The following PAWR variants were observed in gnomAD, a reference collection of about 807,000 sequenced individuals.
The protein encoded by PAWR is PRKC apoptosis WT1 regulator protein.
A neutral mutation model predicts 32.0 loss-of-function variants in PAWR; 23 were observed. That is an observed-to-expected ratio of 0.72 (90% CI 0.52 to 1.02). PAWR has a LOEUF of 1.02. Among genes scored for constraint, PAWR ranks in the 50% least tolerant of loss-of-function variants. The probability of loss-of-function intolerance (pLI) is 0.00; values close to 1 mark genes in which losing one functional copy is unlikely to be tolerated. For missense variants in PAWR, 457 were observed against 437.7 expected (o/e 1.04, Z -0.39); for synonymous variants, 226 against 187.1 (o/e 1.21, Z -1.70).
At chr12:79,644,860 C>A (rs1192313262) in intron 2 of PAWR, among the ~76,000 whole-genome samples, 1 of 152,084 alleles carries the variant, frequency 6.6e-6, no homozygotes, top group East Asian at 1.9e-4. Context: ...CTCAGACAAA[C>A]TTTAAATTTC....
At chr12:79,622,953 T>C (rs1167482186) in intron 2 of PAWR, among the ~76,000 whole-genome samples, 3 of 152,080 alleles carry the variant, frequency 2.0e-5, no homozygotes, top group Non-Finnish European at 4.4e-5. Context: ...ACATAAATAA[T>C]AGATAACCCA....
At chr12:79,624,745 A>G (rs556052550) in intron 2 of PAWR, among the ~76,000 whole-genome samples, 1 of 152,332 alleles carries the variant, frequency 6.6e-6, no homozygotes, top group South Asian at 2.1e-4. Context: ...TGCCATACTT[A>G]AGAGAAGTGG....
chr12:79,632,666 C>G (rs994834146), intron 2 of PAWR, among the ~76,000 whole-genome samples: 3 of 151,638 alleles, frequency 2.0e-5, no homozygotes, highest in African/African-American at 7.3e-5. Context: ...ATACCATGTG[C>G]CCAGCCTGGC....
intron 2 of PAWR, among the ~76,000 whole-genome samples, chr12:79,672,366 C>G (rs568620127): frequency 3.3e-5 from 5 of 152,278 alleles, no homozygotes; most frequent in African/African-American, 1.2e-4. Flanking sequence ...CTTGAAGTTT[C>G]CTGCCTCAAA....
intron 2 of PAWR, among the ~76,000 whole-genome samples, chr12:79,675,147 C>T (rs571321869): frequency 3.3e-5 from 5 of 152,240 alleles, no homozygotes; most frequent in South Asian, 2.1e-4. Context: ...GAGGCCAAGG[C>T]GGGTGGATCG....
chr12:79,622,275 A>C (rs1875058394), intron 2 of PAWR, among the ~76,000 whole-genome samples: 1 of 152,212 alleles, frequency 6.6e-6, no homozygotes, highest in African/African-American at 2.4e-5. Context: ...GACATGGAAG[A>C]AAGCATCTGT....
At chr12:79,664,811 T>C (rs1295085340) in intron 2 of PAWR, among the ~76,000 whole-genome samples, 1 of 151,866 alleles carries the variant, frequency 6.6e-6, no homozygotes, top group Non-Finnish European at 1.5e-5. Flanking sequence ...TTTTTAAAGT[T>C]CCAAGGCCTA....
intron 2 of PAWR, among the ~76,000 whole-genome samples, chr12:79,649,393 CAT>C (rs2136792528): frequency 6.6e-6 from 1 of 151,984 alleles, no homozygotes; most frequent in East Asian, 1.9e-4. Flanking sequence ...GATACAAAAA[CAT>C]ATATGTCAAG....
At chr12:79,593,701 GTT>G (rs537217082) in intron 6 of PAWR, among the ~76,000 whole-genome samples, 9 of 126,788 alleles carry the variant, frequency 7.1e-5, no homozygotes, top group Admixed American at 1.6e-4. Flanking sequence ...CAATTTTAGG[GTT>G]TTTTTTTTTT....
chr12:79,597,873 G>T (rs1873820666), intron 4 of PAWR: 1 of 152,204 alleles, frequency 6.6e-6, no homozygotes, highest in Non-Finnish European at 1.5e-5. Context: ...GCTTAGGTGG[G>T]TGATTATGAT....
chr12:79,685,708 T>C (rs1878651136), intron 2 of PAWR, among the ~76,000 whole-genome samples: 1 of 152,174 alleles, frequency 6.6e-6, no homozygotes, highest in African/African-American at 2.4e-5. Flanking sequence ...AATCTCTGAG[T>C]CCACAAATTT....
intron 4 of PAWR, among the ~76,000 whole-genome samples, chr12:79,609,923 G>A (rs1329317346): frequency 6.6e-6 from 1 of 152,208 alleles, no homozygotes; most frequent in Non-Finnish European, 1.5e-5. Context: ...GACTTCAGGG[G>A]TAGTGGGCAT....
chr12:79,651,817 T>C (rs534540812), intron 2 of PAWR, among the ~76,000 whole-genome samples: 15 of 152,238 alleles, frequency 9.9e-5, no homozygotes, highest in African/African-American at 3.4e-4. Context: ...GTACAATCAG[T>C]ATTTTAAATC....
At chr12:79,684,426 C>T (rs1247207174) in intron 2 of PAWR, among the ~76,000 whole-genome samples, 7 of 152,074 alleles carry the variant, frequency 4.6e-5, no homozygotes, top group Non-Finnish European at 1.0e-4. Flanking sequence ...GCCTGGCCAA[C>T]ATGGCGAAAC....
In PAWR at chr12:79,690,236, G is replaced by A. The variant is rs768881765; in HGVS notation, c.9C>T (p.Thr3=). The A allele has an allele frequency of 6.6e-7, 1 of 1,512,796 alleles. No homozygotes were observed. The highest frequency in any genetic ancestry group is 2.7e-5 in the East Asian group (1 of 36,600). 93.7% of individuals were successfully genotyped at this position (1,512,796 alleles called of 1,614,324 possible). Residue 3 remains threonine, a synonymous_variant, in exon 2 of 7, where the codon ACC becomes ACT. Coordinates refer to ENST00000328827, the MANE Select transcript of PAWR (RefSeq NM_002583.4). MA[T]GGYRTSSGLG... ...GGCCGCTGCTGGTCCGGTAGCCACC[G>A]GTCGCCATATTCCCAAAGGGGCCGG...
At chr12:79,679,787 A>T (rs1201360396) in intron 2 of PAWR, among the ~76,000 whole-genome samples, 1 of 152,144 alleles carries the variant, frequency 6.6e-6, no homozygotes, top group Non-Finnish European at 1.5e-5. Flanking sequence ...GGGCTAGATG[A>T]TCTCTAAACA....
intron 2 of PAWR, among the ~76,000 whole-genome samples, chr12:79,658,972 T>TAAAAA (rs550704257): frequency 1.2e-5 from 1 of 86,648 alleles, no homozygotes; most frequent in Admixed American, 1.3e-4. Flanking sequence ...CTTAGCACAC[T>TAAAAA]AAAAAAAAAA....
chr12:79,682,957 C>A (rs1187561932), intron 2 of PAWR, among the ~76,000 whole-genome samples: 4 of 152,100 alleles, frequency 2.6e-5, no homozygotes, highest in Non-Finnish European at 5.9e-5. Flanking sequence ...TTATCAAATA[C>A]ATTTATAAAC....
At chr12:79,678,428 T>C (rs1167785610) in intron 2 of PAWR, among the ~76,000 whole-genome samples, 1 of 152,254 alleles carries the variant, frequency 6.6e-6, no homozygotes, top group African/African-American at 2.4e-5. Flanking sequence ...CCATTTCCTC[T>C]GTTAGAACAT....
Sources: gnomAD v4.1 joint callset for allele counts (sites outside exome capture counted in the v4.1 genomes callset) on GRCh38, gnomAD v4.1.1 for gene constraint, MANE v1.5 for transcripts, NCBI Gene and HGNC (gene_info 2026-07-23, HGNC 2026-07-21) for gene names.